Variants in CYTH1 observed in about 807,000 individuals in gnomAD.
The protein encoded by CYTH1 is cytohesin 1.
CYTH1 carries 18 observed loss-of-function variants against 61.8 expected under a neutral mutation model. The ratio of observed to expected loss-of-function variants is 0.29; its 90% CI spans 0.20 to 0.43. The LOEUF (loss-of-function observed/expected upper bound fraction) is 0.43. CYTH1 is among the 20% of genes least tolerant of loss of function. CYTH1 has a pLI of 1.00. For synonymous variants in CYTH1, 174 were observed against 184.3 expected (o/e 0.94, Z 0.45); for missense variants, 336 against 510.5 (o/e 0.66, Z 3.29).
intron 1 of CYTH1, among the ~76,000 whole-genome samples, chr17:78,760,557 G>GTATA (rs1234141383): frequency 4.4e-5 from 1 of 22,480 alleles, no homozygotes; most frequent in Non-Finnish European, 8.4e-5. Context: ...ATATATATAT[G>GTATA]TATATATATA....
chr17:78,757,763 T>C (rs892832098), intron 1 of CYTH1, among the ~76,000 whole-genome samples: 1 of 151,888 alleles, frequency 6.6e-6, no homozygotes, highest in Admixed American at 6.6e-5. Flanking sequence ...AAACCCCTTC[T>C]CTACTAAAAA....
rs555438046 is a variant in CYTH1 at position 78,766,707 on chromosome 17, AGAAC to A, written c.22+15491_22+15494del. On this transcript the variant is annotated intron_variant, in intron 1 of 13. Coordinates refer to ENST00000446868, the MANE Select transcript of CYTH1 (RefSeq NM_004762.6). Reference sequence around the variant, plus strand: ...AACTCTGTATCCACTCCCAGAAGAAAGAACGTTTAGAAAGTACATAAATTCATCT... The same window carrying A: ...AACTCTGTATCCACTCCCAGAAGAAAGTTTAGAAAGTACATAAATTCATCT... Among the ~76,000 whole-genome samples the A allele has an allele frequency of 3.9e-4, 59 of 152,336 alleles. No homozygotes were observed. In the South Asian group the frequency reaches 8.7e-3, roughly 22 times the overall value.
At chr17:78,736,539 C>A (rs1158960704) in intron 1 of CYTH1, among the ~76,000 whole-genome samples, 1 of 151,982 alleles carries the variant, frequency 6.6e-6, no homozygotes, top group African/African-American at 2.4e-5. Flanking sequence ...AAGATAAAAA[C>A]CAGAGTCTAG....
intron 1 of CYTH1, among the ~76,000 whole-genome samples, chr17:78,755,058 A>G (rs1209347715): frequency 6.6e-6 from 1 of 152,210 alleles, no homozygotes; most frequent in African/African-American, 2.4e-5. Flanking sequence ...AACAACTCAT[A>G]TGTTCATCAA....
At chr17:78,706,738 C>T (rs901949251) in intron 3 of CYTH1, among the ~76,000 whole-genome samples, 1 of 152,168 alleles carries the variant, frequency 6.6e-6, no homozygotes, top group Admixed American at 6.5e-5. Context: ...TACCATCAGT[C>T]TTTTTAATTC....
At chr17:78,703,946 C>T (rs545327911) in intron 3 of CYTH1, among the ~76,000 whole-genome samples, 1 of 152,334 alleles carries the variant, frequency 6.6e-6, no homozygotes, top group East Asian at 1.9e-4. Flanking sequence ...GGTAGATACC[C>T]AGGGGTGGAC....
intron 1 of CYTH1, among the ~76,000 whole-genome samples, chr17:78,749,560 G>C (rs1361273037): frequency 1.3e-5 from 2 of 151,918 alleles, no homozygotes; most frequent in South Asian, 2.1e-4. Flanking sequence ...GAGCCCACAG[G>C]TCAAGGCTGC....
intron 11 of CYTH1, among the ~76,000 whole-genome samples, chr17:78,688,170 C>T (rs1407226365): frequency 2.0e-5 from 3 of 152,162 alleles, no homozygotes; most frequent in Non-Finnish European, 2.9e-5. Context: ...GTAGTGAAAC[C>T]AGAAAGCTGT....
chr17:78,689,694 C>A (rs1005651323), intron 11 of CYTH1, among the ~76,000 whole-genome samples: 1 of 152,220 alleles, frequency 6.6e-6, no homozygotes, highest in Non-Finnish European at 1.5e-5. Context: ...GGGAGACCCT[C>A]CATGGACAGT....
At chr17:78,697,566 A>C (rs1166316733) in intron 9 of CYTH1, among the ~76,000 whole-genome samples, 1 of 152,092 alleles carries the variant, frequency 6.6e-6, no homozygotes, top group East Asian at 1.9e-4. Flanking sequence ...AAATGAACAA[A>C]ATAATTAATG....
chr17:78,687,226 G>A (rs1026553952), intron 11 of CYTH1, among the ~76,000 whole-genome samples: 4 of 151,796 alleles, frequency 2.6e-5, no homozygotes, highest in Non-Finnish European at 5.9e-5. Flanking sequence ...TGGGGCTGAT[G>A]GGAGACAGTG....
chr17:78,752,285 GT>G (rs2093383287), intron 1 of CYTH1, among the ~76,000 whole-genome samples: 1 of 152,134 alleles, frequency 6.6e-6, no homozygotes, highest in Non-Finnish European at 1.5e-5. Flanking sequence ...CTTTTCCACT[GT>G]AAAGGAGTTT....
In CYTH1 at chr17:78,702,529, C is replaced by T. The variant is rs1325138023; in HGVS notation, c.237+9G>A. ...AATATGGACCACTTCCCGCTTCTTT[C>T]TCACTTACCTTTTTAGGGTCCATAT... On this transcript the variant is annotated intron_variant, in intron 4 of 13. Transcript: ENST00000446868. 1 of 1,613,736 alleles carries T rather than the reference C, an allele frequency of 6.2e-7. No individual in the cohort carries two copies.
At chr17:78,722,862 C>T (rs2093240623) in intron 1 of CYTH1, among the ~76,000 whole-genome samples, 1 of 152,140 alleles carries the variant, frequency 6.6e-6, no homozygotes, top group East Asian at 1.9e-4. Context: ...AACAGAAACT[C>T]CACGGGTGGC....
chr17:78,735,689 A>ATTC (rs2093317235), intron 1 of CYTH1, among the ~76,000 whole-genome samples: 1 of 152,230 alleles, frequency 6.6e-6, no homozygotes, highest in Non-Finnish European at 1.5e-5. Context: ...GAGTGGGAAA[A>ATTC]GCCTAAAGAG....
At chr17:78,714,889 A>G (rs1239285198) in intron 1 of CYTH1, among the ~76,000 whole-genome samples, 2 of 152,208 alleles carry the variant, frequency 1.3e-5, no homozygotes, top group African/African-American at 4.8e-5. Flanking sequence ...AAAACCTTTA[A>G]AAGAACAGAA....
intron 1 of CYTH1, among the ~76,000 whole-genome samples, chr17:78,757,654 G>A (rs1016287752): frequency 6.6e-6 from 1 of 152,080 alleles, no homozygotes; most frequent in Non-Finnish European, 1.5e-5. Context: ...ATATTCAGCC[G>A]GGTGCAGTAG....
chr17:78,752,570 C>A (rs1311500790), intron 1 of CYTH1, among the ~76,000 whole-genome samples: 1 of 152,094 alleles, frequency 6.6e-6, no homozygotes, highest in Non-Finnish European at 1.5e-5. Context: ...GTAACTGAGA[C>A]TACAGGTGCG....
At chr17:78,736,127 T>C (rs2093318972) in intron 1 of CYTH1, among the ~76,000 whole-genome samples, 1 of 152,240 alleles carries the variant, frequency 6.6e-6, no homozygotes, top group Admixed American at 6.5e-5. Flanking sequence ...ACATTTTATT[T>C]AACAAAACAA....
Sources: allele counts gnomAD v4.1 joint callset (sites outside exome capture counted in the v4.1 genomes callset), GRCh38; gene constraint gnomAD v4.1.1; transcripts MANE v1.5; gene names NCBI Gene and HGNC (gene_info 2026-07-23, HGNC 2026-07-21).